The following IL1RAPL1 variants were observed in gnomAD, a reference collection of about 807,000 sequenced individuals.
IL1RAPL1 encodes interleukin 1 receptor accessory protein like 1, also known as interleukin-1 receptor accessory protein-like 1.
IL1RAPL1 carries 3 observed loss-of-function variants against 48.4 expected under a neutral mutation model. That is an observed-to-expected ratio of 0.06 (90% CI 0.03 to 0.16). The LOEUF (loss-of-function observed/expected upper bound fraction) is 0.16, where lower values mean the gene tolerates loss of function less well. IL1RAPL1 is among the 10% of genes least tolerant of loss of function. The pLI, the probability that IL1RAPL1 is intolerant of heterozygous loss-of-function variation, is 1.00. For synonymous variants in IL1RAPL1, 185 were observed against 187.7 expected (o/e 0.99, Z 0.12); for missense variants, 349 against 530.6 (o/e 0.66, Z 3.36).
chrX:28,621,902 C>T (rs893633635), intron 1 of IL1RAPL1, among the ~76,000 whole-genome samples: 3 of 111,350 alleles, frequency 2.7e-5, no homozygotes, highest in African/African-American at 9.8e-5. Flanking sequence ...TATTAATTTA[C>T]GATCTTAGAT....
chrX:29,579,458 A>G (rs769187676), intron 5 of IL1RAPL1, among the ~76,000 whole-genome samples: 105 of 112,088 alleles, frequency 9.4e-4, no homozygotes, highest in African/African-American at 3.2e-3. Flanking sequence ...ATTAACTAAA[A>G]TAGGAAAGCC....
At chrX:29,835,877 C>CTTTTTT (rs763080058) in intron 6 of IL1RAPL1, among the ~76,000 whole-genome samples, 4 of 50,464 alleles carry the variant, frequency 7.9e-5, no homozygotes, top group African/African-American at 2.8e-4. Flanking sequence ...TTTGAGTCTT[C>CTTTTTT]TTTTTTTTTT....
intron 2 of IL1RAPL1, among the ~76,000 whole-genome samples, chrX:29,014,069 A>T (rs1926186461): frequency 8.9e-6 from 1 of 111,862 alleles, no homozygotes; most frequent in Non-Finnish European, 1.9e-5. Context: ...TGCACCAGAG[A>T]GGCCTTTTCC....
intron 8 of IL1RAPL1, among the ~76,000 whole-genome samples, chrX:29,920,794 CAAAAAAAA>C (rs1176529100): frequency 6.3e-5 from 2 of 31,629 alleles, no homozygotes; most frequent in African/African-American, 2.5e-4. Context: ...GACCCTGTCT[CAAAAAAAA>C]AAAAAAAAAA....
At chrX:29,933,657 C>CAA (rs1217616087) in intron 8 of IL1RAPL1, among the ~76,000 whole-genome samples, 1,464 of 34,058 alleles carry the variant, frequency 0.043, 44 homozygotes, top group African/African-American at 0.11. Flanking sequence ...ACAAAATAGA[C>CAA]AAAAAAAAAA....
At chrX:29,227,712 T>G (rs1041153973) in intron 2 of IL1RAPL1, among the ~76,000 whole-genome samples, 1 of 112,264 alleles carries the variant, frequency 8.9e-6, no homozygotes, top group Admixed American at 9.5e-5. Flanking sequence ...TGGTGCAGAA[T>G]ATTGCTAAGT....
intron 2 of IL1RAPL1, among the ~76,000 whole-genome samples, chrX:29,108,351 C>A (rs892905977): frequency 1.8e-5 from 2 of 110,440 alleles, no homozygotes; most frequent in South Asian, 7.7e-4. Flanking sequence ...TGAGGAGTTT[C>A]CAGTTTATGG....
At chrX:29,465,602 G>A (rs1934853622) in intron 5 of IL1RAPL1, among the ~76,000 whole-genome samples, 1 of 111,326 alleles carries the variant, frequency 9.0e-6, no homozygotes, top group Non-Finnish European at 1.9e-5. Flanking sequence ...CCCACTCCCA[G>A]GGATTCAGAT....
chrX:29,877,357 G>A (rs1327340956), intron 6 of IL1RAPL1, among the ~76,000 whole-genome samples: 2 of 111,636 alleles, frequency 1.8e-5, no homozygotes, highest in African/African-American at 3.3e-5. Flanking sequence ...TTGGTAAGCA[G>A]CATCACTGAG....
At chrX:29,210,211 T>C (rs762147030) in intron 2 of IL1RAPL1, among the ~76,000 whole-genome samples, 29 of 112,267 alleles carry the variant, frequency 2.6e-4, no homozygotes, top group Admixed American at 8.5e-4. Context: ...ATTTTACCCA[T>C]TATTTGCTTT....
At chrX:29,794,100 T>C (rs577220646) in intron 6 of IL1RAPL1, among the ~76,000 whole-genome samples, 2 of 112,209 alleles carry the variant, frequency 1.8e-5, no homozygotes, top group Admixed American at 1.9e-4. Flanking sequence ...GTGTAATACA[T>C]CTGTGAATTA....
At chrX:28,884,184 T>A (rs1437582276) in intron 2 of IL1RAPL1, among the ~76,000 whole-genome samples, 1 of 111,421 alleles carries the variant, frequency 9.0e-6, no homozygotes, top group Non-Finnish European at 1.9e-5. Context: ...ATTTAAAAAA[T>A]AAATAAATAA....
chrX:29,613,848 C>T (rs1466944337), intron 5 of IL1RAPL1, among the ~76,000 whole-genome samples: 1 of 103,053 alleles, frequency 9.7e-6, no homozygotes, highest in Non-Finnish European at 2.0e-5. Context: ...ACTGCAAGCT[C>T]CACCTCCTGG....
intron 5 of IL1RAPL1, among the ~76,000 whole-genome samples, chrX:29,441,735 G>A (rs1386277702): frequency 8.9e-6 from 1 of 111,976 alleles, no homozygotes; most frequent in African/African-American, 3.2e-5. Context: ...ATTTTGGTGT[G>A]AGAATGGAAA....
At position 29,547,806 on chromosome X, in the gene IL1RAPL1, G is replaced by A. The variant is rs182675329; in HGVS notation, c.704-120624G>A. On this transcript the variant is annotated intron_variant, in intron 5 of 10. Transcript: ENST00000378993. ...GCCATAACAGTCATTGTTTTTAATT[G>A]TGATCAATAATCTGTGTCGAGAACA... is the stretch of plus-strand genomic sequence containing the variant. 3.5e-4 allele frequency among the ~76,000 whole-genome samples: 39 copies of A among 111,929 alleles called. 1 individual carries two copies. Among genetic ancestry groups the A allele is most frequent in the Non-Finnish European group, 5.7e-5 (3 of 53,039 alleles).
Position 29,044,387 on chromosome X carries a change from G to A in IL1RAPL1, c.83-238551G>A, listed in dbSNP as rs779422436. Among the ~76,000 whole-genome samples the A allele has an allele frequency of 9.4e-4, 104 of 110,579 alleles. 2 individuals are homozygous for A. The highest frequency in any genetic ancestry group is 4.8e-3 in the Admixed American group (50 of 10,358). On this transcript the variant is annotated intron_variant, in intron 2 of 10. Transcript: ENST00000378993. ...GGTGGTTACAGTGAGCCAAGATCGC[G>A]CCACTACACTCCAGCCTAGGCAACA...
intron 9 of IL1RAPL1, among the ~76,000 whole-genome samples, chrX:29,954,235 C>CA (rs34345826): frequency 0.13 from 3,923 of 30,468 alleles, 595 homozygotes; most frequent in Middle Eastern, 0.25. Context: ...GACTGTGTCC[C>CA]AAAAAAAAAA....
chrX:28,771,937 CA>C (rs5901904), intron 1 of IL1RAPL1, among the ~76,000 whole-genome samples: 2,051 of 41,741 alleles, frequency 0.049, 17 homozygotes, highest in African/African-American at 0.13. Context: ...GACTCCGTCT[CA>C]AAAAAAAAAA....
chrX:29,949,589 A>G (rs1933278031), intron 9 of IL1RAPL1, among the ~76,000 whole-genome samples: 1 of 112,410 alleles, frequency 8.9e-6, no homozygotes, highest in African/African-American at 3.2e-5. Flanking sequence ...TTGAGAATAA[A>G]GCTCAGAATA....
Sources: allele counts gnomAD v4.1 joint callset (sites outside exome capture counted in the v4.1 genomes callset), GRCh38; gene constraint gnomAD v4.1.1; transcripts MANE v1.5; gene names NCBI Gene and HGNC (gene_info 2026-07-23, HGNC 2026-07-21).